The following KCNMA1 variants were observed in gnomAD, a reference collection of about 807,000 sequenced individuals.
KCNMA1 encodes Calcium-activated potassium channel subunit alpha-1.
In KCNMA1, 29 loss-of-function variants were observed where a neutral mutation model predicts 140.0. The observed-to-expected ratio is 0.21, with a 90% CI of 0.15 to 0.28. KCNMA1 has a LOEUF of 0.28. Ranked by LOEUF, KCNMA1 falls within the 10% of genes least tolerant of loss-of-function variation. The pLI is 1.00. For synonymous variants in KCNMA1, 612 were observed against 611.9 expected (o/e 1.00, Z 0.00); for missense variants, 880 against 1,602.2 (o/e 0.55, Z 7.70).
At chr10:77,243,479 C>A (rs1273366190) in intron 3 of KCNMA1, among the ~76,000 whole-genome samples, 1 of 152,230 alleles carries the variant, frequency 6.6e-6, no homozygotes, top group Non-Finnish European at 1.5e-5. Flanking sequence ...TCTTCATTTG[C>A]CCTGAAACAA....
chr10:76,955,197 C>CTTTTTTTT (rs60670000), intron 20 of KCNMA1, among the ~76,000 whole-genome samples: 2 of 141,168 alleles, frequency 1.4e-5, no homozygotes, highest in African/African-American at 2.6e-5. Flanking sequence ...TTTCTTTTTT[C>CTTTTTTTT]TTTTTTTTTT....
intron 5 of KCNMA1, among the ~76,000 whole-genome samples, chr10:77,164,245 C>T (rs1597620614): frequency 2.0e-5 from 3 of 152,204 alleles, no homozygotes; most frequent in Admixed American, 2.0e-4. Flanking sequence ...CCACGGATCA[C>T]TGCTGACAGT....
intron 1 of KCNMA1, among the ~76,000 whole-genome samples, chr10:77,466,575 T>C (rs1391118257): frequency 1.3e-5 from 2 of 152,192 alleles, no homozygotes; most frequent in Non-Finnish European, 2.9e-5. Context: ...ATATTACATA[T>C]ATGTTAAATT....
chr10:77,008,389 A>C (rs2089757459), intron 18 of KCNMA1, among the ~76,000 whole-genome samples: 1 of 152,248 alleles, frequency 6.6e-6, no homozygotes, highest in African/African-American at 2.4e-5. Context: ...GTAAATCATT[A>C]GACAAGGTTT....
intron 1 of KCNMA1, among the ~76,000 whole-genome samples, chr10:77,440,963 C>T (rs143799705): frequency 0.037 from 5,641 of 151,978 alleles, 366 homozygotes; most frequent in African/African-American, 0.13. Context: ...GGACTGCAGG[C>T]GCCAGCCACC....
intron 2 of KCNMA1, among the ~76,000 whole-genome samples, chr10:77,252,794 T>C (rs902028690): frequency 6.6e-6 from 1 of 152,024 alleles, no homozygotes; most frequent in African/African-American, 2.4e-5. Context: ...AAAAGGAATA[T>C]GCAGTTTCAT....
At chr10:76,910,311 A>G (rs184853448) in intron 24 of KCNMA1, 310 of 550,832 alleles carry the variant, frequency 5.6e-4, no homozygotes, top group African/African-American at 5.4e-3. Context: ...CTGGAGAGCA[A>G]TAAGTTCAAG....
chr10:77,211,943 A>T (rs570657764), intron 3 of KCNMA1, among the ~76,000 whole-genome samples: 1 of 152,318 alleles, frequency 6.6e-6, no homozygotes, highest in African/African-American at 2.4e-5. Context: ...AAATCAAAAA[A>T]CAACAGATGC....
intron 3 of KCNMA1, among the ~76,000 whole-genome samples, chr10:77,217,172 G>T: frequency 6.6e-6 from 1 of 151,992 alleles, no homozygotes; most frequent in East Asian, 1.9e-4. Context: ...AGGCATGGTG[G>T]CAGGTGCCTG....
At chr10:77,396,815 T>A (rs1295934108) in intron 2 of KCNMA1, among the ~76,000 whole-genome samples, 3 of 152,232 alleles carry the variant, frequency 2.0e-5, no homozygotes, top group Non-Finnish European at 4.4e-5. Flanking sequence ...TGTGTAAGCT[T>A]CCTGGAGCAA....
At chr10:77,002,087 G>C (rs552973426) in intron 18 of KCNMA1, among the ~76,000 whole-genome samples, 1 of 152,302 alleles carries the variant, frequency 6.6e-6, no homozygotes, top group Admixed American at 6.5e-5. Flanking sequence ...TTAGGCAGAG[G>C]CTGGGACAAG....
chr10:77,346,074 T>C (rs1194709270), intron 2 of KCNMA1, among the ~76,000 whole-genome samples: 1 of 152,202 alleles, frequency 6.6e-6, no homozygotes, highest in African/African-American at 2.4e-5. Context: ...ATGGTAAACG[T>C]TGCTTTAATT....
At chr10:77,011,187 A>G (rs1242151955) in intron 18 of KCNMA1, among the ~76,000 whole-genome samples, 1 of 152,222 alleles carries the variant, frequency 6.6e-6, no homozygotes, top group African/African-American at 2.4e-5. Flanking sequence ...ATTAGGCAAT[A>G]CAGCATAATT....
At chr10:77,630,852 T>G (rs955501300) in intron 1 of KCNMA1, among the ~76,000 whole-genome samples, 1 of 151,922 alleles carries the variant, frequency 6.6e-6, no homozygotes, top group Non-Finnish European at 1.5e-5. Flanking sequence ...CACACCACTG[T>G]GGGAGCACTT....
intron 2 of KCNMA1, among the ~76,000 whole-genome samples, chr10:77,382,875 A>G (rs2095443359): frequency 1.5e-5 from 2 of 129,480 alleles, no homozygotes. Flanking sequence ...CAAAAAAAAA[A>G]AAAAAAAAAA....
intron 3 of KCNMA1, among the ~76,000 whole-genome samples, chr10:77,188,497 TTA>T: frequency 6.6e-6 from 1 of 152,240 alleles, no homozygotes; most frequent in East Asian, 1.9e-4. Context: ...ACAGGCAAAT[TTA>T]GCATGTTGAC....
chr10:76,998,807 G>C (rs1325758676), intron 19 of KCNMA1, among the ~76,000 whole-genome samples: 1 of 152,206 alleles, frequency 6.6e-6, no homozygotes, highest in Non-Finnish European at 1.5e-5. Flanking sequence ...ATTTCACATA[G>C]AGACAGACAT....
intron 2 of KCNMA1, among the ~76,000 whole-genome samples, chr10:77,284,417 A>T (rs938306405): frequency 6.6e-6 from 1 of 152,208 alleles, no homozygotes; most frequent in African/African-American, 2.4e-5. Flanking sequence ...CAGGCATATT[A>T]AAATGTAAAA....
chr10:77,101,842 G>T lies in KCNMA1; in HGVS notation c.1223+6639C>A, dbSNP rs1169415280. 2.0e-5 allele frequency among the ~76,000 whole-genome samples: 3 copies of T among 152,194 alleles called. No homozygotes were observed. The East Asian group carries it at 5.8e-4, about 29-fold the overall frequency. ...ACACAAGTAAACATGGAAAGAAAAG[G>T]CCTGTGGATCGGCCCAAGTCAGTAT... On this transcript the variant is annotated intron_variant, in intron 9 of 27. Coordinates refer to ENST00000286628, the MANE Select transcript of KCNMA1 (RefSeq NM_001161352.2).
Sources: gnomAD v4.1 joint callset for allele counts (sites outside exome capture counted in the v4.1 genomes callset) on GRCh38, gnomAD v4.1.1 for gene constraint, MANE v1.5 for transcripts, NCBI Gene and HGNC (gene_info 2026-07-23, HGNC 2026-07-21) for gene names.